The following NFXL1 variants were observed in gnomAD, a reference collection of about 807,000 sequenced individuals.
The protein encoded by NFXL1 is NF-X1-type zinc finger protein NFXL1.
Under a neutral mutation model 123.3 loss-of-function variants are expected in NFXL1, and 66 were observed. The observed-to-expected ratio is 0.54, with a 90% CI of 0.44 to 0.66. The LOEUF (loss-of-function observed/expected upper bound fraction) is 0.66, where lower values mean the gene tolerates loss of function less well. Among genes scored for constraint, NFXL1 ranks in the 30% least tolerant of loss-of-function variants. NFXL1 has a pLI of 0.00. For synonymous variants in NFXL1, 346 were observed against 360.8 expected (o/e 0.96, Z 0.46); for missense variants, 944 against 1,125.6 (o/e 0.84, Z 2.31).
chr4:47,910,729 T>C, intron 3 of NFXL1, 95 bp downstream of exon 3: 1 of 675,474 alleles, frequency 1.5e-6, no homozygotes, highest in Non-Finnish European at 2.4e-6. Flanking sequence ...TCTTAAGATA[T>C]AAAATCTATT....
chr4:47,864,773 C>T (rs1212388504), intron 18 of NFXL1, among the ~76,000 whole-genome samples: 2 of 152,202 alleles, frequency 1.3e-5, no homozygotes, highest in Non-Finnish European at 2.9e-5. Flanking sequence ...CATACCCCTT[C>T]TTTCATACCT....
intron 11 of NFXL1, among the ~76,000 whole-genome samples, chr4:47,893,742 C>T (rs1318273563): frequency 6.6e-6 from 1 of 151,060 alleles, no homozygotes; most frequent in Non-Finnish European, 1.5e-5. Flanking sequence ...TGAATCTATA[C>T]AAAAAGATGA....
chr4:47,851,412 A>G (rs1734109995), intron 21 of NFXL1, among the ~76,000 whole-genome samples: 1 of 152,156 alleles, frequency 6.6e-6, no homozygotes, highest in African/African-American at 2.4e-5. Context: ...TAATTCAAAG[A>G]GTTAAAACAC....
intron 18 of NFXL1, among the ~76,000 whole-genome samples, chr4:47,873,451 G>A (rs1220597948): frequency 1.3e-5 from 2 of 152,144 alleles, no homozygotes; most frequent in Admixed American, 1.3e-4. Context: ...CTGCAGAATG[G>A]ATGTTGTGTT....
intron 18 of NFXL1, 40 bp from the exon 19 acceptor site, chr4:47,862,955 AT>A (rs765011554): frequency 9.6e-7 from 1 of 1,039,792 alleles, no homozygotes; most frequent in Non-Finnish European, 1.4e-6. Context: ...ACAAAAATCC[AT>A]TTTATAGCAT....
chr4:47,908,731 G>A lies in NFXL1; in HGVS notation c.406+2093C>T, dbSNP rs181206260. 3.6e-4 allele frequency among the ~76,000 whole-genome samples: 54 copies of A among 152,006 alleles called. No individual in the cohort carries two copies. The East Asian group carries it at 9.3e-3, about 26-fold the overall frequency. Reference sequence around the variant, plus strand: ...AGCACTTTGGGAGGCCGAGGCGGGCGGATCACGAGGTCAGGAGATCAAGAC... The same window carrying A: ...AGCACTTTGGGAGGCCGAGGCGGGCAGATCACGAGGTCAGGAGATCAAGAC... On this transcript the variant is annotated intron_variant, in intron 3 of 22. Transcript: ENST00000507489.
intron 21 of NFXL1, 36 bp from the exon 22 acceptor site, chr4:47,851,184 A>C: frequency 6.8e-7 from 1 of 1,474,772 alleles, no homozygotes; most frequent in Middle Eastern, 1.8e-4. Flanking sequence ...TTTACAATTT[A>C]GTCATCACAT....
chr4:47,897,874 T>C (rs935613244), intron 9 of NFXL1, 93 bp downstream of exon 9: 5 of 707,372 alleles, frequency 7.1e-6, no homozygotes, highest in South Asian at 2.2e-5. Flanking sequence ...TTTAGTAATA[T>C]GCACTTAAGT....
At chr4:47,866,037 T>A (rs1003957750) in intron 18 of NFXL1, among the ~76,000 whole-genome samples, 1 of 151,458 alleles carries the variant, frequency 6.6e-6, no homozygotes, top group South Asian at 2.1e-4. Context: ...TAAAAAAAAA[T>A]TTAAAAAGTA....
intron 10 of NFXL1, among the ~76,000 whole-genome samples, chr4:47,895,162 G>A (rs1737010317): frequency 4.6e-5 from 7 of 152,076 alleles, no homozygotes; most frequent in Admixed American, 4.6e-4. Context: ...AAGATGTGCT[G>A]TCCATAGATG....
At position 47,869,713 on chromosome 4, in the gene NFXL1, A is replaced by C. The variant is rs79715565; in HGVS notation, c.2246+5414T>G. On this transcript the variant is annotated intron_variant, in intron 18 of 22. Coordinates refer to ENST00000507489, the MANE Select transcript of NFXL1 (RefSeq NM_001278624.2). Reference sequence around the variant, plus strand: ...TAAAGAAATTTAGAAATTTCTTTTTAAAGGAAATAATAAAATAAGAGCAGA... The same window carrying C: ...TAAAGAAATTTAGAAATTTCTTTTTCAAGGAAATAATAAAATAAGAGCAGA... Among the ~76,000 whole-genome samples the C allele has an allele frequency of 6.3e-3, 957 of 152,222 alleles. 5 individuals carry two copies. The highest frequency in any genetic ancestry group is 0.01 in the Non-Finnish European group (695 of 67,972).
At position 47,899,532 on chromosome 4, in the gene NFXL1, C is replaced by G. The variant is rs769922568; in HGVS notation, c.664G>C (p.Glu222Gln). 1.9e-6 allele frequency: 3 copies of G among 1,610,520 alleles called. No individual in the cohort carries two copies. The highest frequency in any genetic ancestry group is 1.7e-5 in the Admixed American group (1 of 59,754). ...CTAGGTGTTTCAGATCGTTTGTATT[C>G]AAACCTACATTTTGGACTACAAAGA... ...CPWPCPKCRFEYKRSETPSRY... is the reference protein window; with the variant it reads ...CPWPCPKCRFQYKRSETPSRY... The change falls in exon 6 of 23, where the codon GAA becomes CAA. Residue 222 changes from glutamate to glutamine, a missense_variant. This residue lies in a region of NFXL1 where 303 missense variants were observed against 292.1 expected (regional missense o/e 1.04). Transcript: ENST00000507489.
intron 10 of NFXL1, among the ~76,000 whole-genome samples, chr4:47,895,708 TATC>T (rs1401022112): frequency 2.0e-5 from 3 of 152,286 alleles, no homozygotes; most frequent in Admixed American, 2.0e-4. Flanking sequence ...TCTTCCTCCT[TATC>T]ATCAATAAGG....
chr4:47,876,928 G>C (rs570059253), intron 17 of NFXL1: 102 of 406,318 alleles, frequency 2.5e-4, no homozygotes, highest in African/African-American at 2.0e-3. Context: ...GGGTAAAAAC[G>C]GTAAAATGAC....
chr4:47,879,083 G>T lies in NFXL1; in HGVS notation c.1938+13C>A. On this transcript the variant is annotated intron_variant, in intron 16 of 22. Transcript: ENST00000507489. ...ATTATAAGCTTTACTTAAAAATTGT[G>T]CCTGTAACTTACCTCATGTTTCCCA... 1 of 1,380,622 alleles carries T rather than the reference G, an allele frequency of 7.2e-7. No individual in the cohort carries two copies. Among genetic ancestry groups the T allele is most frequent in the Non-Finnish European group, 9.8e-7 (1 of 1,020,188 alleles). The allele number at this position is 1,380,622 out of a possible 1,614,324, so 85.5% of individuals were successfully genotyped here.
chr4:47,863,391 T>C (rs778328493), intron 18 of NFXL1, among the ~76,000 whole-genome samples: 4 of 152,200 alleles, frequency 2.6e-5, no homozygotes, highest in Non-Finnish European at 4.4e-5. Context: ...TAGAAATTAA[T>C]TCACTTTAGG....
Position 47,890,403 on chromosome 4 carries a change from T to A in NFXL1, c.1543+210A>T, listed in dbSNP as rs1336657754. On this transcript the variant is annotated intron_variant, in intron 12 of 22. Transcript: ENST00000507489. ...CAAATGTACTAGACATTTCCCTGAG[T>A]AAGTTACTGAACCCTCTTAAGCTTC... Among the ~76,000 whole-genome samples, 3 of 152,212 alleles carry A rather than the reference T, an allele frequency of 2.0e-5. No individual in the cohort carries two copies. In the South Asian group the frequency reaches 6.2e-4, roughly 32 times the overall value.
rs1734048258 is a variant in NFXL1, at chr4:47,850,209, T to G, written c.2562+886A>C. ...CAACTTATGTTTTACTATTTAGCTC[T>G]GATAACTTATTTTGGGGATATCAGG... On this transcript the variant is annotated intron_variant, in intron 22 of 22. Transcript: ENST00000507489. Among the ~76,000 whole-genome samples, 4 of 152,140 alleles carry G rather than the reference T, an allele frequency of 2.6e-5. No individual in the cohort carries two copies. The South Asian group carries it at 8.3e-4, about 31-fold the overall frequency.
In NFXL1 at chr4:47,878,512, C is replaced by G. The variant is rs1295700471; in HGVS notation, c.2079+13G>C. The G allele has an allele frequency of 6.4e-7, 1 of 1,551,250 alleles. No homozygotes were observed. The highest frequency in any genetic ancestry group is 1.4e-5 in the African/African-American group (1 of 71,934). On this transcript the variant is annotated intron_variant, in intron 17 of 22. Coordinates refer to ENST00000507489, the MANE Select transcript of NFXL1 (RefSeq NM_001278624.2). ...TACTATGGGCAGATATACATTCAAT[C>G]TAAGAACATTACCTTGTTTTTTCCA...
Sources: allele counts gnomAD v4.1 joint callset (sites outside exome capture counted in the v4.1 genomes callset), GRCh38; gene constraint gnomAD v4.1.1; regional missense constraint gnomAD v4.1.1; transcripts MANE v1.5; gene names NCBI Gene and HGNC (gene_info 2026-07-23, HGNC 2026-07-21).